Variants in LSAMP observed in about 807,000 individuals in gnomAD.
The protein encoded by LSAMP is limbic system-associated membrane protein.
A neutral mutation model predicts 38.6 loss-of-function variants in LSAMP; 7 were observed. The observed-to-expected ratio is 0.18, with a 90% CI of 0.10 to 0.34. LSAMP has a LOEUF of 0.34. Among genes scored for constraint, LSAMP ranks in the 10% least tolerant of loss-of-function variants. The pLI is 1.00. For missense variants in LSAMP, 313 were observed against 420.0 expected, an observed-to-expected ratio of 0.75 and a Z score of 2.23; for synonymous variants, 154 against 166.8, an observed-to-expected ratio of 0.92 and a Z score of 0.59.
intron 1 of LSAMP, among the ~76,000 whole-genome samples, chr3:116,235,109 A>G (rs1323100014): frequency 6.6e-6 from 1 of 151,906 alleles, no homozygotes; most frequent in Non-Finnish European, 1.5e-5. Flanking sequence ...GTAAGTCAAC[A>G]TTCAAATCCT....
chr3:115,992,681 T>A (rs1347432083), intron 3 of LSAMP, among the ~76,000 whole-genome samples: 1 of 152,122 alleles, frequency 6.6e-6, no homozygotes, highest in African/African-American at 2.4e-5. Flanking sequence ...TGTAGAAGAC[T>A]ATCAGATAAT....
At chr3:116,262,112 C>T (rs952035831) in intron 1 of LSAMP, among the ~76,000 whole-genome samples, 1 of 151,888 alleles carries the variant, frequency 6.6e-6, no homozygotes, top group East Asian at 1.9e-4. Context: ...AAATTTGGAT[C>T]GAAATATTCA....
intron 6 of LSAMP, among the ~76,000 whole-genome samples, chr3:115,824,703 C>A (rs1934350954): frequency 6.8e-6 from 1 of 147,698 alleles, no homozygotes; most frequent in African/African-American, 2.5e-5. Context: ...GGGCGAGACT[C>A]CGTCTTAAAA....
chr3:116,416,780 C>T (rs978340765), intron 1 of LSAMP, among the ~76,000 whole-genome samples: 1 of 151,390 alleles, frequency 6.6e-6, no homozygotes, highest in African/African-American at 2.4e-5. Context: ...GCACGTGCAG[C>T]ATAAGGGCAG....
At chr3:116,144,109 A>G (rs1045837633) in intron 1 of LSAMP, among the ~76,000 whole-genome samples, 16 of 152,116 alleles carry the variant, frequency 1.1e-4, no homozygotes, top group African/African-American at 3.4e-4. Context: ...TTTATCAGTT[A>G]CTTTTGAGAC....
intron 1 of LSAMP, among the ~76,000 whole-genome samples, chr3:116,348,049 T>G (rs2048087465): frequency 6.6e-6 from 1 of 152,012 alleles, no homozygotes; most frequent in Admixed American, 6.6e-5. Context: ...TCGGTGTATA[T>G]CTGGTACTCC....
At chr3:115,856,483 G>T (rs1257578296) in intron 3 of LSAMP, among the ~76,000 whole-genome samples, 2 of 152,138 alleles carry the variant, frequency 1.3e-5, no homozygotes, top group African/African-American at 4.8e-5. Flanking sequence ...AGCAAGTGTG[G>T]TGGCATGTGC....
chr3:116,373,628 T>A (rs1274607492), intron 1 of LSAMP, among the ~76,000 whole-genome samples: 1 of 151,928 alleles, frequency 6.6e-6, no homozygotes, highest in Admixed American at 6.6e-5. Context: ...AAAAAAGTTA[T>A]GAGAAGTACC....
chr3:116,421,079 T>A (rs2049117233), intron 1 of LSAMP, among the ~76,000 whole-genome samples: 1 of 152,120 alleles, frequency 6.6e-6, no homozygotes, highest in Non-Finnish European at 1.5e-5. Flanking sequence ...CTATATAATT[T>A]TAGAGAAGAA....
intron 1 of LSAMP, among the ~76,000 whole-genome samples, chr3:116,286,282 T>G: frequency 6.6e-6 from 1 of 152,298 alleles, no homozygotes. Flanking sequence ...TATGTGCAAA[T>G]GTTGAACTAA....
chr3:116,085,994 C>T (rs1417933561), intron 2 of LSAMP, among the ~76,000 whole-genome samples: 1 of 152,170 alleles, frequency 6.6e-6, no homozygotes. Context: ...GAAAAGTGTA[C>T]TTCATATGGC....
chr3:115,827,122 T>G (rs944913645), intron 6 of LSAMP, among the ~76,000 whole-genome samples: 2 of 152,162 alleles, frequency 1.3e-5, no homozygotes, highest in African/African-American at 4.8e-5. Flanking sequence ...TCATTTTGTT[T>G]GCTTTGTTTT....
chr3:116,060,212 T>TTTTTTTTG (rs1553700134), intron 2 of LSAMP, among the ~76,000 whole-genome samples: 4 of 151,280 alleles, frequency 2.6e-5, no homozygotes, highest in African/African-American at 9.7e-5. Context: ...TTTTTTTTTT[T>TTTTTTTTG]ACTAGCAGCA....
intron 1 of LSAMP, among the ~76,000 whole-genome samples, chr3:116,437,788 A>G (rs554791384): frequency 2.0e-5 from 3 of 152,214 alleles, no homozygotes; most frequent in African/African-American, 7.2e-5. Flanking sequence ...CAAAAAGGTA[A>G]TCTCAGTGGT....
In LSAMP at chr3:115,802,491, G is replaced by T. The variant is rs953391123; in HGVS notation, c.*7826C>A. ...AACAGAATTTAAATACATTTAAAAAGAAAAGAAAAAAAGCTTTTTTTCATT... is the reference window on the plus strand; with the variant it reads ...AACAGAATTTAAATACATTTAAAAATAAAAGAAAAAAAGCTTTTTTTCATT... On this transcript the variant is annotated 3_prime_UTR_variant, in exon 7 of 7. Transcript: ENST00000490035. 2 of 149,712 alleles carry T rather than the reference G, an allele frequency of 1.3e-5. No individual in the cohort carries two copies. The highest frequency in any genetic ancestry group is 6.6e-5 in the Admixed American group (1 of 15,070). 9.3% of individuals were successfully genotyped at this position (149,712 alleles called of 1,614,324 possible). A position where few individuals can be genotyped will look rare whatever the true frequency, so the allele number is the denominator to read the frequency against.
chr3:116,422,284 T>G (rs942690584), intron 1 of LSAMP, among the ~76,000 whole-genome samples: 2 of 151,644 alleles, frequency 1.3e-5, no homozygotes, highest in Admixed American at 1.3e-4. Flanking sequence ...TCAACCAACC[T>G]CAGACTGAAA....
intron 1 of LSAMP, among the ~76,000 whole-genome samples, chr3:116,431,359 A>G (rs2107872366): frequency 6.6e-6 from 1 of 152,162 alleles, no homozygotes; most frequent in African/African-American, 2.4e-5. Flanking sequence ...TCTATTTGCC[A>G]CGCTATACTT....
At chr3:116,158,753 T>G (rs116957475) in intron 1 of LSAMP, among the ~76,000 whole-genome samples, 2 of 152,056 alleles carry the variant, frequency 1.3e-5, no homozygotes, top group African/African-American at 4.8e-5. Context: ...AGAATCAATA[T>G]AGTTAAAATG....
chr3:116,177,009 T>A (rs1283185309), intron 1 of LSAMP, among the ~76,000 whole-genome samples: 1 of 152,188 alleles, frequency 6.6e-6, no homozygotes, highest in African/African-American at 2.4e-5. Context: ...TAAATCTTAC[T>A]TGGAACCCAA....
Sources: gnomAD v4.1 joint callset for allele counts (sites outside exome capture counted in the v4.1 genomes callset) on GRCh38, gnomAD v4.1.1 for gene constraint, MANE v1.5 for transcripts, NCBI Gene and HGNC (gene_info 2026-07-23, HGNC 2026-07-21) for gene names.